DHCR24: variants seen among roughly 807,000 people sequenced by gnomAD.
The protein encoded by DHCR24 is 24-dehydrocholesterol reductase.
Under a neutral mutation model 61.2 loss-of-function variants are expected in DHCR24, and 28 were observed. That is an observed-to-expected ratio of 0.46 (90% CI 0.34 to 0.63). DHCR24 has a LOEUF of 0.63. Ranked by LOEUF, DHCR24 falls within the 20% of genes least tolerant of loss-of-function variation. DHCR24 has a pLI of 0.01. For missense variants in DHCR24, 538 were observed against 679.1 expected (o/e 0.79, Z 2.31); for synonymous variants, 261 against 275.9 (o/e 0.95, Z 0.54).
At chr1:54,862,858 C>T (rs998833958) in intron 6 of DHCR24, among the ~76,000 whole-genome samples, 6 of 151,932 alleles carry the variant, frequency 3.9e-5, no homozygotes, top group Admixed American at 2.0e-4. Context: ...GGGTGGATCA[C>T]GAGGTCAGGA....
intron 4 of DHCR24, among the ~76,000 whole-genome samples, chr1:54,873,554 T>C (rs909517230): frequency 1.3e-5 from 2 of 152,220 alleles, no homozygotes; most frequent in Admixed American, 6.5e-5. Context: ...ATGTGTGTTA[T>C]TGCCCCTGAA....
chr1:54,871,485 G>A lies in DHCR24; in HGVS notation c.741C>T (p.Gly247=). The change falls in exon 5 of 9, where the codon GGC becomes GGT. Residue 247 remains glycine, a synonymous_variant. Coordinates refer to ENST00000371269, the MANE Select transcript of DHCR24 (RefSeq NM_014762.4). ...TGAACTTGGCACAGATAGCCTCCAG[G>A]CCCCGCACTGGCTCGAAACGCAGCT... The part of the protein sequence containing the change: ...YVKLRFEPVR[G]LEAICAKFTH... 1 of 1,614,212 alleles carries A rather than the reference G, an allele frequency of 6.2e-7. No homozygotes were observed. The highest frequency in any genetic ancestry group is 1.3e-5 in the African/African-American group (1 of 75,058).
intron 5 of DHCR24, among the ~76,000 whole-genome samples, chr1:54,865,981 T>C (rs1276764579): frequency 6.6e-6 from 1 of 152,106 alleles, no homozygotes; most frequent in Non-Finnish European, 1.5e-5. Flanking sequence ...TGGAGGATGC[T>C]CACATGAATA....
chr1:54,854,197 T>A lies in DHCR24; in HGVS notation c.1058A>T (p.Tyr353Phe). 6.2e-7 allele frequency: 1 copy of A among 1,613,940 alleles called. No homozygotes were observed. Among genetic ancestry groups the A allele is most frequent in the Non-Finnish European group, 8.5e-7 (1 of 1,179,950 alleles). The change falls in exon 7 of 9, where the codon TAC becomes TTC. Residue 353 changes from tyrosine (Y) to phenylalanine (F), a missense_variant. Transcript: ENST00000371269. ...GGGAGGCACCATCCAGCCAAAGAGG[T>A]AGCGGAAGATGGGGTTGTTGCCAAA... ...IPFGNNPIFR[Y>F]LFGWMVPPKI...
In DHCR24 at chr1:54,875,106, A is replaced by G; in HGVS notation, c.599T>C (p.Val200Ala). The change falls in exon 4 of 9, where the codon GTG (valine) becomes GCG (alanine). Residue 200 changes from valine to alanine, a missense_variant. Coordinates refer to ENST00000371269, the MANE Select transcript of DHCR24 (RefSeq NM_014762.4). ...YELVLADGSF[V>A]RCTPSENSDL... ...TGCTGAACTCACCGGAGTGCATCGC[A>G]CAAAGCTGCCATCAGCCAGGACCAG... 1.9e-6 allele frequency: 3 copies of G among 1,614,134 alleles called. No homozygotes were observed. Among genetic ancestry groups the G allele is most frequent in the Non-Finnish European group, 2.5e-6 (3 of 1,180,002 alleles).
At chr1:54,863,993 A>G (rs2101564356) in intron 6 of DHCR24, among the ~76,000 whole-genome samples, 1 of 152,382 alleles carries the variant, frequency 6.6e-6, no homozygotes, top group East Asian at 1.9e-4. Context: ...AGTCAATACC[A>G]TAAACCCACC....
chr1:54,882,935 T>C (rs1316154615), intron 2 of DHCR24, among the ~76,000 whole-genome samples: 1 of 152,056 alleles, frequency 6.6e-6, no homozygotes, highest in Non-Finnish European at 1.5e-5. Flanking sequence ...GTTGTCTTGA[T>C]TGTGGTAAGA....
chr1:54,870,635 C>T (rs1253308975), intron 5 of DHCR24, among the ~76,000 whole-genome samples: 2 of 152,166 alleles, frequency 1.3e-5, no homozygotes, highest in African/African-American at 4.8e-5. Context: ...AAAGTCTGTC[C>T]ATGTTCATTT....
intron 6 of DHCR24, among the ~76,000 whole-genome samples, chr1:54,854,752 G>A (rs1344353811): frequency 6.6e-6 from 1 of 152,162 alleles, no homozygotes; most frequent in East Asian, 1.9e-4. Flanking sequence ...TCTGGCTCAG[G>A]TTCGACAAGG....
At chr1:54,875,069 G>A in intron 4 of DHCR24, 24 bp downstream of exon 4, 1 of 1,599,412 alleles carries the variant, frequency 6.3e-7, no homozygotes, top group South Asian at 1.1e-5. Context: ...GGCTGGCATG[G>A]ACATCTCCCA....
intron 6 of DHCR24, among the ~76,000 whole-genome samples, chr1:54,861,612 T>C (rs1646938526): frequency 6.6e-6 from 1 of 152,236 alleles, no homozygotes; most frequent in South Asian, 2.1e-4. Flanking sequence ...AACACACCCT[T>C]GGGTCCTCAC....
At chr1:54,874,279 ACT>A (rs985681489) in intron 4 of DHCR24, among the ~76,000 whole-genome samples, 6 of 152,206 alleles carry the variant, frequency 3.9e-5, no homozygotes, top group African/African-American at 9.7e-5. Flanking sequence ...CCACTCACTC[ACT>A]GACTCACCCA....
At chr1:54,874,446 G>C (rs1647015523) in intron 4 of DHCR24, among the ~76,000 whole-genome samples, 1 of 152,218 alleles carries the variant, frequency 6.6e-6, no homozygotes, top group South Asian at 2.1e-4. Context: ...ACAGTATTGA[G>C]CACAGTACCA....
chr1:54,863,139 A>C (rs1199173563), intron 6 of DHCR24, among the ~76,000 whole-genome samples: 1 of 149,094 alleles, frequency 6.7e-6, no homozygotes. Flanking sequence ...AATCACATCC[A>C]CGGCCAATCT....
chr1:54,873,389 T>A (rs998512578), intron 4 of DHCR24, among the ~76,000 whole-genome samples: 1 of 152,220 alleles, frequency 6.6e-6, no homozygotes, highest in Non-Finnish European at 1.5e-5. Flanking sequence ...AATGACTCTG[T>A]CATTGGTTTA....
chr1:54,866,352 C>CT (rs796435589), intron 5 of DHCR24, among the ~76,000 whole-genome samples: 3,874 of 144,122 alleles, frequency 0.027, 142 homozygotes, highest in East Asian at 0.12. Context: ...ATAGGACCAT[C>CT]TTTTTTTTTT....
intron 4 of DHCR24, among the ~76,000 whole-genome samples, 190 bp downstream of exon 4, chr1:54,874,903 A>AAT (rs750060434): frequency 5.9e-5 from 9 of 152,174 alleles, no homozygotes; most frequent in Non-Finnish European, 8.8e-5. Context: ...TGCATGCCTT[A>AAT]ATATATATAA....
At chr1:54,859,792 T>C (rs1646925780) in intron 6 of DHCR24, among the ~76,000 whole-genome samples, 1 of 152,222 alleles carries the variant, frequency 6.6e-6, no homozygotes, top group Non-Finnish European at 1.5e-5. Flanking sequence ...GTGGAAAGTG[T>C]TCAGCATTAA....
intron 2 of DHCR24, among the ~76,000 whole-genome samples, chr1:54,882,832 TG>T (rs1285909041): frequency 6.6e-6 from 1 of 151,690 alleles, no homozygotes; most frequent in Non-Finnish European, 1.5e-5. Flanking sequence ...CCTAAGGCTG[TG>T]GGGGGCGGGT....
Sources: gnomAD v4.1 joint callset for allele counts (sites outside exome capture counted in the v4.1 genomes callset) on GRCh38, gnomAD v4.1.1 for gene constraint, MANE v1.5 for transcripts, NCBI Gene and HGNC (gene_info 2026-07-23, HGNC 2026-07-21) for gene names.